Variants in AKAP19 observed in about 807,000 individuals in gnomAD.
The protein encoded by AKAP19 is small A-kinase anchoring protein.
the AKAP19 span, chr2:190,080,001 G>A: frequency 6.6e-6 from 1 of 152,072 alleles, no homozygotes; most frequent in Non-Finnish European, 1.5e-5. Context: ...TAGATATCCT[G>A]AGCACACCTG....
At chr2:189,958,580 G>A in the AKAP19 span, among the ~76,000 whole-genome samples, 4 of 149,384 alleles carry the variant, frequency 2.7e-5, no homozygotes, top group South Asian at 2.1e-4. Flanking sequence ...CTAAATGTGT[G>A]TGTGTATATA....
the AKAP19 span, among the ~76,000 whole-genome samples, chr2:190,194,006 T>C: frequency 6.6e-6 from 1 of 152,206 alleles, no homozygotes; most frequent in African/African-American, 2.4e-5. Context: ...GAAACTATAT[T>C]TTAATTTCTC....
At chr2:189,939,176 C>T in the AKAP19 span, among the ~76,000 whole-genome samples, 1,134 of 152,310 alleles carry the variant, frequency 7.4e-3, 16 homozygotes, top group African/African-American at 0.026. Context: ...TCTGTTACTC[C>T]ACCAAAGGAG....
the AKAP19 span, among the ~76,000 whole-genome samples, chr2:189,969,728 CAAAAA>C: frequency 2.0e-5 from 1 of 49,446 alleles, no homozygotes; most frequent in Non-Finnish European, 4.0e-5. Context: ...GACTCCATCT[CAAAAA>C]AAAAAAAAAA....
chr2:190,119,622 G>A, the AKAP19 span, among the ~76,000 whole-genome samples: 1 of 152,164 alleles, frequency 6.6e-6, no homozygotes, highest in African/African-American at 2.4e-5. Flanking sequence ...GCCAGCTAGG[G>A]TGTAAGAGCC....
the AKAP19 span, among the ~76,000 whole-genome samples, chr2:190,091,447 A>G: frequency 6.6e-6 from 1 of 152,070 alleles, no homozygotes. Flanking sequence ...AATATGCTAC[A>G]AGAGTGACCT....
the AKAP19 span, among the ~76,000 whole-genome samples, chr2:190,037,049 A>G: frequency 3.3e-4 from 50 of 152,358 alleles, no homozygotes; most frequent in African/African-American, 1.2e-3. Context: ...GAGAAGGCCA[A>G]ATAGCTACGT....
the AKAP19 span, among the ~76,000 whole-genome samples, chr2:189,935,958 T>A: frequency 6.6e-6 from 1 of 152,114 alleles, no homozygotes; most frequent in African/African-American, 2.4e-5. Flanking sequence ...CACTAGTACA[T>A]CCTTTTACAG....
the AKAP19 span, among the ~76,000 whole-genome samples, chr2:190,089,328 T>C: frequency 9.0e-4 from 137 of 152,218 alleles, no homozygotes; most frequent in Middle Eastern, 3.4e-3. Context: ...TTCAGAAAAA[T>C]ATATTTTATT....
the AKAP19 span, among the ~76,000 whole-genome samples, chr2:189,982,502 T>C: frequency 6.6e-6 from 1 of 152,312 alleles, no homozygotes; most frequent in Admixed American, 6.5e-5. Context: ...TTCAAACTTT[T>C]CAATCTGGTT....
the AKAP19 span, among the ~76,000 whole-genome samples, chr2:190,006,638 CAAAA>C: frequency 3.4e-4 from 39 of 113,882 alleles, no homozygotes; most frequent in South Asian, 5.9e-4. Flanking sequence ...GACTCTGTCT[CAAAA>C]AAAAAAAAAA....
the AKAP19 span, among the ~76,000 whole-genome samples, chr2:190,071,416 C>T: frequency 6.6e-6 from 1 of 152,070 alleles, no homozygotes; most frequent in East Asian, 1.9e-4. Context: ...ATACAAATGC[C>T]ATTGTGTTAC....
the AKAP19 span, among the ~76,000 whole-genome samples, chr2:189,933,285 G>A: frequency 6.6e-6 from 1 of 152,182 alleles, no homozygotes; most frequent in South Asian, 2.1e-4. Flanking sequence ...AGATGTGAGA[G>A]TGGGGGCAGA....
chr2:189,880,548 A>G, the AKAP19 span, among the ~76,000 whole-genome samples: 1 of 152,234 alleles, frequency 6.6e-6, no homozygotes. Context: ...GAAAAGGAGC[A>G]GGTAAAGGAA....
the AKAP19 span, among the ~76,000 whole-genome samples, chr2:189,950,027 G>GTT: frequency 1.3e-3 from 46 of 35,012 alleles, 1 homozygote; most frequent in African/African-American, 3.4e-3. Context: ...TTTGGTTTTG[G>GTT]GTTTTTTTTT....
chr2:189,957,656 C>T, the AKAP19 span, among the ~76,000 whole-genome samples: 2 of 152,144 alleles, frequency 1.3e-5, no homozygotes, highest in African/African-American at 2.4e-5. Flanking sequence ...TATGATATAG[C>T]TTTTCTAGTT....
At chr2:190,105,810 A>G in the AKAP19 span, among the ~76,000 whole-genome samples, 1 of 152,168 alleles carries the variant, frequency 6.6e-6, no homozygotes, top group African/African-American at 2.4e-5. Flanking sequence ...CCTAGCACTG[A>G]TCACACTGTA....
At chr2:190,041,865 CCTACTTGATCATGGTGGATT>C in the AKAP19 span, among the ~76,000 whole-genome samples, 1 of 152,220 alleles carries the variant, frequency 6.6e-6, no homozygotes, top group South Asian at 2.1e-4. Context: ...GAGGATAAAG[CCTACTTGATCATGGTGGATT>C]AGCTATTTGA....
At chr2:190,057,598 C>A in the AKAP19 span, 1 of 1,613,288 alleles carries the variant, frequency 6.2e-7, no homozygotes, top group Non-Finnish European at 8.5e-7. Flanking sequence ...CCTTCTGGAT[C>A]TTTTTGGTGT....
Sources: gnomAD v4.1 joint callset for allele counts (sites outside exome capture counted in the v4.1 genomes callset) on GRCh38, gnomAD v4.1.1 for gene constraint, MANE v1.5 for transcripts, NCBI Gene and HGNC (gene_info 2026-07-23, HGNC 2026-07-21) for gene names.